The following LRR1 variants were observed in gnomAD, a reference collection of about 807,000 sequenced individuals.
The protein encoded by LRR1 is leucine rich repeat protein 1.
A neutral mutation model predicts 31.6 loss-of-function variants in LRR1; 29 were observed. The observed-to-expected ratio is 0.92, with a 90% CI of 0.68 to 1.25. The LOEUF is 1.25. LRR1 is among the 50% of genes most tolerant of loss of function. The pLI is 0.00. For synonymous variants in LRR1, 179 were observed against 181.4 expected, an observed-to-expected ratio of 0.99 and a Z score of 0.10; for missense variants, 485 against 487.2, an observed-to-expected ratio of 1.00 and a Z score of 0.04.
At chr14:49,600,889 C>T in intron 1 of LRR1, 9 of 1,314,202 alleles carry the variant, frequency 6.8e-6, no homozygotes, top group Non-Finnish European at 9.3e-6. Flanking sequence ...GCTACAATCA[C>T]ATCATGTTGT....
intron 3 of LRR1, among the ~76,000 whole-genome samples, chr14:49,608,749 T>G (rs953298942): frequency 6.6e-6 from 1 of 151,912 alleles, no homozygotes; most frequent in Non-Finnish European, 1.5e-5. Context: ...AATCAGAAAC[T>G]GAGAGTGGGG....
rs1230369702 is a variant in LRR1 at position 49,614,341 on chromosome 14, CTG to C, written c.1091_1092del (p.Leu364GlnfsTer24). 1 of 1,613,808 alleles carries C rather than the reference CTG, an allele frequency of 6.2e-7. No homozygotes were observed. Among genetic ancestry groups the C allele is most frequent in the East Asian group, 2.2e-5 (1 of 44,852 alleles). ...AATTTGTGTTTGTGGAAGATTCTGTCTGAACTCTTTCATTCAAGGAACTACTA... is the reference window on the plus strand; with the variant it reads ...AATTTGTGTTTGTGGAAGATTCTGTCAACTCTTTCATTCAAGGAACTACTA... Reference protein sequence around the residue: ...AKICVCGRFCLNSFIQGTTTM... With the variant: ...AKICVCGRFCXNSFIQGTTTM... On this transcript the variant is annotated frameshift_variant, in exon 4 of 4. Transcript: ENST00000298288. LOFTEE classifies it high-confidence loss of function.
chr14:49,607,997 T>C lies in LRR1; in HGVS notation c.880T>C (p.Leu294=), dbSNP rs752986711. The part of the protein sequence containing the change: ...LPFLPSEFRN[L]SLEYLDLFGN... ...ATTTTTGCCTAGTGAATTTAGAAATTTATCCCTTGAATACTTGGATCTTTT... is the reference window on the plus strand; with the variant it reads ...ATTTTTGCCTAGTGAATTTAGAAATCTATCCCTTGAATACTTGGATCTTTT... Residue 294 remains leucine, a synonymous_variant, in exon 3 of 4, where the codon TTA becomes CTA. Transcript: ENST00000298288. 87 of 1,613,994 alleles carry C rather than the reference T, an allele frequency of 5.4e-5. No individual in the cohort carries two copies. The highest frequency in any genetic ancestry group is 6.7e-5 in the Non-Finnish European group (79 of 1,180,012).
At position 49,614,593 on chromosome 14, in the gene LRR1, T is replaced by C. The variant is rs772527495; in HGVS notation, c.*97T>C. 1 of 1,501,412 alleles carries C rather than the reference T, an allele frequency of 6.7e-7. No individual in the cohort carries two copies. Among genetic ancestry groups the C allele is most frequent in the Non-Finnish European group, 9.2e-7 (1 of 1,086,340 alleles). 93.0% of individuals were successfully genotyped at this position (1,501,412 alleles called of 1,614,324 possible). A position where few individuals can be genotyped will look rare whatever the true frequency, so the allele number is the denominator to read the frequency against. ...ATTGGAGTAAGGGAAGATTTCTGTA[T>C]ACTTGCTGGAGAGGAGGAATGTGTA... On this transcript the variant is annotated 3_prime_UTR_variant, in exon 4 of 4. Transcript: ENST00000298288.
At chr14:49,609,811 G>T (rs1365431151) in intron 3 of LRR1, among the ~76,000 whole-genome samples, 1 of 151,958 alleles carries the variant, frequency 6.6e-6, no homozygotes, top group Non-Finnish European at 1.5e-5. Context: ...AGTTCCAGGA[G>T]TTCTCCTGCC....
At chr14:49,603,221 AGGTTTTT>A (rs1882138069) in intron 2 of LRR1, among the ~76,000 whole-genome samples, 8 of 69,384 alleles carry the variant, frequency 1.2e-4, no homozygotes, top group African/African-American at 4.3e-4. Flanking sequence ...AGACTCTTGC[AGGTTTTT>A]TGAAGAGGCA....
chr14:49,612,421 A>G, intron 3 of LRR1: 3 of 1,161,426 alleles, frequency 2.6e-6, no homozygotes, highest in Non-Finnish European at 2.2e-6. Flanking sequence ...AATTTAAGTT[A>G]TGTCAGATAG....
At chr14:49,611,111 T>C (rs1172481695) in intron 3 of LRR1, among the ~76,000 whole-genome samples, 1 of 152,136 alleles carries the variant, frequency 6.6e-6, no homozygotes, top group Admixed American at 6.6e-5. Flanking sequence ...CCATCCCCAA[T>C]GTAAGAACTC....
At chr14:49,601,849 T>C (rs1882068385) in intron 1 of LRR1, among the ~76,000 whole-genome samples, 2 of 149,702 alleles carry the variant, frequency 1.3e-5, no homozygotes, top group Admixed American at 1.3e-4. Flanking sequence ...ACTTTAAAAC[T>C]TGGCCACGCG....
At chr14:49,602,630 A>G (rs560359979) in intron 2 of LRR1, among the ~76,000 whole-genome samples, 162 bp downstream of exon 2, 1 of 152,190 alleles carries the variant, frequency 6.6e-6, no homozygotes, top group South Asian at 2.1e-4. Flanking sequence ...ATCTGGGACT[A>G]AAGGTGTACC....
rs1275107967 is a variant in LRR1 at position 49,599,074 on chromosome 14, G to A, written c.54G>A (p.Gly18=). 1.9e-6 allele frequency: 3 copies of A among 1,609,544 alleles called. No homozygotes were observed. The African/African-American group carries it at 4.0e-5, about 21-fold the overall frequency. The change falls in exon 1 of 4, where the codon GGG becomes GGA. Residue 18 remains glycine (G), a synonymous_variant. Transcript: ENST00000298288. ...TCAGCCGGCACTTGCCCGCCTTGGG[G>A]CTTAGGAACCGGGGCAAGGGCGTCC... ...EVISRHLPAL[G]LRNRGKGVRA...
rs970096928 is a variant in LRR1 at position 49,612,568 on chromosome 14, CT to C, written c.1005-1683del. 4 of 1,185,998 alleles carry C rather than the reference CT, an allele frequency of 3.4e-6. No homozygotes were observed. In the East Asian group the frequency reaches 1.9e-4, roughly 55 times the overall value. The allele number at this position is 1,185,998 out of a possible 1,614,324, so 73.5% of individuals were successfully genotyped here. Reference sequence around the variant, plus strand: ...TTACTTAAGCAACAGATTAATAAGTCTTTTTATGAAAAATTTAAAAATTGCA... The same window carrying C: ...TTACTTAAGCAACAGATTAATAAGTCTTTTATGAAAAATTTAAAAATTGCA... On this transcript the variant is annotated intron_variant, in intron 3 of 3. Coordinates refer to ENST00000298288, the MANE Select transcript of LRR1 (RefSeq NM_152329.4).
At position 49,598,951 on chromosome 14, in the gene LRR1, T is replaced by C. The variant is rs1039623703; in HGVS notation, c.-70T>C. ...CAGCCCGCGTGCGCGAGGACCCCGA[T>C]GGCGGCGCCGGGTGGCGGGAAGGAG... On this transcript the variant is annotated 5_prime_UTR_variant, in exon 1 of 4. The change abolishes an upstream ATG in the 5' untranslated region. Transcript: ENST00000298288. 6.6e-7 allele frequency: 1 copy of C among 1,521,728 alleles called. No individual in the cohort carries two copies. 94.3% of individuals were successfully genotyped at this position (1,521,728 alleles called of 1,614,324 possible).
intron 3 of LRR1, among the ~76,000 whole-genome samples, chr14:49,609,205 C>G (rs1371824216): frequency 6.8e-6 from 1 of 146,012 alleles, no homozygotes; most frequent in Non-Finnish European, 1.5e-5. Flanking sequence ...GCTTGAGCCA[C>G]CACACCTGGC....
At chr14:49,604,800 A>C (rs1882220558) in intron 2 of LRR1, among the ~76,000 whole-genome samples, 3 of 148,142 alleles carry the variant, frequency 2.0e-5, no homozygotes, top group Admixed American at 2.0e-4. Context: ...AACCATTAGA[A>C]TTTTAAAACT....
chr14:49,601,227 A>C, intron 1 of LRR1: 1 of 1,435,100 alleles, frequency 7.0e-7, no homozygotes. Context: ...TTTCTTAAAA[A>C]AAATCAGGTC....
At position 49,612,180 on chromosome 14, in the gene LRR1, C is replaced by T. The variant is rs1325879090; in HGVS notation, c.1005-2076C>T. 5.3e-5 allele frequency among the ~76,000 whole-genome samples: 8 copies of T among 152,310 alleles called. No homozygotes were observed. The South Asian group carries it at 1.0e-3, about 20-fold the overall frequency. On this transcript the variant is annotated intron_variant, in intron 3 of 3. Transcript: ENST00000298288. ...GTAATTTATTAGTGCTGAATGATTT[C>T]GCGTTATAGCATTTATGTTGCTTTT...
chr14:49,603,626 C>T (rs1882162483), intron 2 of LRR1: 8 of 1,058,716 alleles, frequency 7.6e-6, no homozygotes, highest in Non-Finnish European at 8.1e-6. Context: ...CAGGTGGGTG[C>T]CACCACTCCT....
At chr14:49,600,609 C>G in intron 1 of LRR1, 1 of 1,532,556 alleles carries the variant, frequency 6.5e-7, no homozygotes, top group Non-Finnish European at 8.8e-7. Flanking sequence ...TGTTTAATTA[C>G]GTGAGAAACA....
Sources: allele counts gnomAD v4.1 joint callset (sites outside exome capture counted in the v4.1 genomes callset), GRCh38; gene constraint gnomAD v4.1.1; transcripts MANE v1.5; gene names NCBI Gene and HGNC (gene_info 2026-07-23, HGNC 2026-07-21).